MIPOL1: variants seen among roughly 807,000 people sequenced by gnomAD.
MIPOL1 encodes mirror-image polydactyly gene 1 protein.
A neutral mutation model predicts 60.9 loss-of-function variants in MIPOL1; 57 were observed. The observed-to-expected ratio is 0.94, with a 90% confidence interval of 0.76 to 1.17. The LOEUF is 1.17. Ranked by LOEUF, MIPOL1 falls within the 50% of genes most tolerant of loss-of-function variation. The probability of loss-of-function intolerance (pLI) is 0.00; values close to 1 mark genes in which losing one functional copy is unlikely to be tolerated. For synonymous variants in MIPOL1, 179 were observed against 168.8 expected (o/e 1.06, Z -0.47); for missense variants, 551 against 511.6 (o/e 1.08, Z -0.74).
chr14:37,329,649 G>T (rs1455668390), intron 9 of MIPOL1, among the ~76,000 whole-genome samples: 1 of 152,114 alleles, frequency 6.6e-6, no homozygotes, highest in African/African-American at 2.4e-5. Context: ...AATAAAGTTT[G>T]CAAACCAAGA....
intron 7 of MIPOL1, among the ~76,000 whole-genome samples, chr14:37,307,384 T>C (rs2086875161): frequency 6.6e-6 from 1 of 152,000 alleles, no homozygotes; most frequent in South Asian, 2.1e-4. Context: ...TTCTTTAATT[T>C]CTCAACATCA....
At position 37,467,198 on chromosome 14, in the gene MIPOL1, A is replaced by T. The variant is rs918006153; in HGVS notation, c.1032-32710A>T. On this transcript the variant is annotated intron_variant, in intron 11 of 12. Transcript: ENST00000684589. ...ATCTTTATAACCCTAAAACCTGTAG[A>T]TAAAGCAATCTGATAGTACCTTGAG... Among the ~76,000 whole-genome samples the T allele has an allele frequency of 4.6e-5, 7 of 152,356 alleles. No homozygotes were observed. In the East Asian group the frequency reaches 1.2e-3, roughly 25 times the overall value.
chr14:37,506,712 A>G (rs183056896), intron 12 of MIPOL1: 1 of 152,370 alleles, frequency 6.6e-6, no homozygotes, highest in Admixed American at 6.5e-5. Flanking sequence ...CTAAAACACC[A>G]AAAGCAATGG....
chr14:37,287,493 A>G (rs1050877247), intron 7 of MIPOL1, among the ~76,000 whole-genome samples: 1 of 152,008 alleles, frequency 6.6e-6, no homozygotes, highest in Non-Finnish European at 1.5e-5. Context: ...GCCTCATGTG[A>G]TCCTCTCACC....
At chr14:37,512,044 T>G (rs1037929986) in intron 12 of MIPOL1, among the ~76,000 whole-genome samples, 3 of 152,196 alleles carry the variant, frequency 2.0e-5, no homozygotes, top group African/African-American at 7.2e-5. Flanking sequence ...TCTTAAATTT[T>G]TATAACTTAA....
At chr14:37,329,500 C>G (rs1468525025) in intron 9 of MIPOL1, among the ~76,000 whole-genome samples, 1 of 152,182 alleles carries the variant, frequency 6.6e-6, no homozygotes, top group Non-Finnish European at 1.5e-5. Context: ...TTAGTTTTAG[C>G]CTTGTTGTAA....
At chr14:37,359,761 C>A (rs182129648) in intron 9 of MIPOL1, among the ~76,000 whole-genome samples, 1 of 151,912 alleles carries the variant, frequency 6.6e-6, no homozygotes, top group Non-Finnish European at 1.5e-5. Flanking sequence ...TATACAATCA[C>A]GTAATCTGCA....
chr14:37,544,235 A>T (rs1023784683), intron 12 of MIPOL1, among the ~76,000 whole-genome samples: 2 of 152,200 alleles, frequency 1.3e-5, no homozygotes, highest in African/African-American at 4.8e-5. Flanking sequence ...CATAGTGATA[A>T]AAGAAACAAA....
At chr14:37,219,193 C>T (rs980262955) in intron 1 of MIPOL1, among the ~76,000 whole-genome samples, 1 of 152,092 alleles carries the variant, frequency 6.6e-6, no homozygotes, top group Non-Finnish European at 1.5e-5. Flanking sequence ...TTGCTGAAGT[C>T]AGGCTACAGT....
Position 37,428,626 on chromosome 14 carries a change from C to CT in MIPOL1, c.1031+5685dup, listed in dbSNP as rs199929430. Among the ~76,000 whole-genome samples, 321 of 145,034 alleles carry CT rather than the reference C, an allele frequency of 2.2e-3. 1 individual carries two copies. The highest frequency in any genetic ancestry group is 7.4e-3 in the African/African-American group (291 of 39,174). ...TTCTTTACTAATTAGTGATACTGGC[C>CT]TTTTTTTTAAAAAAGTGGGTTTTTT... is the stretch of plus-strand genomic sequence containing the variant. On this transcript the variant is annotated intron_variant, in intron 11 of 12. Transcript: ENST00000684589.
At chr14:37,497,436 A>G (rs1445969494) in intron 11 of MIPOL1, among the ~76,000 whole-genome samples, 1 of 152,230 alleles carries the variant, frequency 6.6e-6, no homozygotes, top group Non-Finnish European at 1.5e-5. Context: ...GTTAAAATAT[A>G]AGGGAATGGA....
intron 9 of MIPOL1, among the ~76,000 whole-genome samples, chr14:37,328,579 A>G (rs2089406840): frequency 1.3e-5 from 2 of 152,246 alleles, no homozygotes; most frequent in African/African-American, 4.8e-5. Flanking sequence ...TTTAACAGCC[A>G]TAAAATTTCT....
Position 37,256,102 on chromosome 14 carries a change from C to A in MIPOL1, c.19+8195C>A, listed in dbSNP as rs563833688. On this transcript the variant is annotated intron_variant, in intron 3 of 12. Transcript: ENST00000684589. Reference sequence around the variant, plus strand: ...ATTAACACAGTTAACAAACAATGTTCATTGATGTGAACAGTTTTAGTATAG... The same window carrying A: ...ATTAACACAGTTAACAAACAATGTTAATTGATGTGAACAGTTTTAGTATAG... Among the ~76,000 whole-genome samples, 31 of 151,944 alleles carry A rather than the reference C, an allele frequency of 2.0e-4. 1 individual carries two copies. Among genetic ancestry groups the A allele is most frequent in the Admixed American group, 1.0e-3 (16 of 15,240 alleles).
intron 9 of MIPOL1, among the ~76,000 whole-genome samples, chr14:37,316,729 C>A (rs1003882306): frequency 1.3e-5 from 2 of 151,912 alleles, no homozygotes; most frequent in South Asian, 2.1e-4. Context: ...GTAATCCCAG[C>A]ACTTTAGGAG....
chr14:37,387,062 C>T (rs1189145790), intron 10 of MIPOL1, among the ~76,000 whole-genome samples: 1 of 151,746 alleles, frequency 6.6e-6, no homozygotes, highest in African/African-American at 2.4e-5. Context: ...ATATTCCATT[C>T]AAAAACCGTA....
At chr14:37,419,720 AC>A (rs1438546017) in intron 10 of MIPOL1, among the ~76,000 whole-genome samples, 1 of 151,848 alleles carries the variant, frequency 6.6e-6, no homozygotes, top group African/African-American at 2.4e-5. Context: ...TGAGTGTGAT[AC>A]GTGGAATGGG....
At chr14:37,341,170 G>GT (rs2090544566) in intron 9 of MIPOL1, among the ~76,000 whole-genome samples, 1 of 151,062 alleles carries the variant, frequency 6.6e-6, no homozygotes, top group Non-Finnish European at 1.5e-5. Flanking sequence ...TTCCTGTATC[G>GT]TGAGTATTAA....
intron 10 of MIPOL1, among the ~76,000 whole-genome samples, chr14:37,399,487 C>G (rs897223000): frequency 1.3e-5 from 2 of 152,082 alleles, no homozygotes; most frequent in African/African-American, 4.8e-5. Context: ...CTGGGTCATG[C>G]TGGCATTGGA....
chr14:37,464,520 G>C (rs1422416067), intron 11 of MIPOL1, among the ~76,000 whole-genome samples: 2 of 152,116 alleles, frequency 1.3e-5, no homozygotes, highest in Admixed American at 6.6e-5. Flanking sequence ...CTTATAAGTG[G>C]GAGCTAAACA....
Sources: allele counts gnomAD v4.1 joint callset (sites outside exome capture counted in the v4.1 genomes callset), GRCh38; gene constraint gnomAD v4.1.1; transcripts MANE v1.5; gene names NCBI Gene and HGNC (gene_info 2026-07-23, HGNC 2026-07-21).